DIS3L2: variants seen among roughly 807,000 people sequenced by gnomAD.
The protein encoded by DIS3L2 is DIS3 like 3'-5' exoribonuclease 2.
Under a neutral mutation model 97.5 loss-of-function variants are expected in DIS3L2, and 34 were observed. That is an observed-to-expected ratio of 0.35 (90% CI 0.27 to 0.46). The LOEUF (loss-of-function observed/expected upper bound fraction) is 0.46, where lower values mean the gene tolerates loss of function less well. Among genes scored for constraint, DIS3L2 ranks in the 20% least tolerant of loss-of-function variants. The pLI, the probability that DIS3L2 is intolerant of heterozygous loss-of-function variation, is 1.00. For missense variants in DIS3L2, 1,038 were observed against 1,146.0 expected, an observed-to-expected ratio of 0.91 and a Z score of 1.36; for synonymous variants, 435 against 445.2, an observed-to-expected ratio of 0.98 and a Z score of 0.29.
intron 6 of DIS3L2, among the ~76,000 whole-genome samples, chr2:232,112,746 C>T (rs961511116): frequency 6.6e-6 from 1 of 151,578 alleles, no homozygotes; most frequent in South Asian, 2.1e-4. Flanking sequence ...GGCATGTAGA[C>T]AAGAGGAACA....
At chr2:232,307,843 A>G (rs754641398) in intron 14 of DIS3L2, 4 of 152,248 alleles carry the variant, frequency 2.6e-5, no homozygotes, top group Non-Finnish European at 4.4e-5. Flanking sequence ...AAACAAACCA[A>G]AACTGAAGAG....
In DIS3L2 at chr2:232,269,255, C is replaced by G. The variant is rs1693922859; in HGVS notation, c.1659+5815C>G. On this transcript the variant is annotated intron_variant, in intron 13 of 20. Transcript: ENST00000325385. The surrounding 1 kb of genome is among the most constrained non-coding windows in gnomAD (Gnocchi z 4.5). ...TTTGTTGAATCTGTTTCTGTTCCTT[C>G]TCTCCAATACAGTCGCTTTCAAGAA... is the stretch of plus-strand genomic sequence containing the variant. Among the ~76,000 whole-genome samples the G allele has an allele frequency of 6.6e-6, 1 of 152,202 alleles. No homozygotes were observed. Among genetic ancestry groups the G allele is most frequent in the Non-Finnish European group, 1.5e-5 (1 of 68,034 alleles).
downstream of DIS3L2, chr2:232,340,691 G>A: frequency 2.1e-6 from 1 of 469,074 alleles, no homozygotes; most frequent in Non-Finnish European, 4.4e-6. Context: ...CCAGGGACTG[G>A]CAAAGCTCTC....
intron 1 of DIS3L2, among the ~76,000 whole-genome samples, chr2:232,003,383 A>C (rs983924393): frequency 6.6e-6 from 1 of 152,122 alleles, no homozygotes; most frequent in African/African-American, 2.4e-5. Context: ...AAATACAGGA[A>C]ATTTTTTTTG....
chr2:232,130,225 T>G (rs1453238851), intron 6 of DIS3L2, among the ~76,000 whole-genome samples: 1 of 152,202 alleles, frequency 6.6e-6, no homozygotes, highest in Non-Finnish European at 1.5e-5. Context: ...TTATTATGAT[T>G]TTGTTTTATT....
At position 232,130,640 on chromosome 2, in the gene DIS3L2, C is replaced by A. The variant is rs1022276697; in HGVS notation, c.623C>A (p.Pro208Gln). Residue 208 changes from proline (P) to glutamine (Q), a missense_variant, in exon 7 of 21, where the codon CCG becomes CAG. By Grantham distance (76) the Pro-to-Gln change is moderately conservative. This residue lies in a region of DIS3L2 where 813 missense variants were observed against 880.1 expected (regional missense o/e 0.92). Coordinates refer to ENST00000325385, the MANE Select transcript of DIS3L2 (RefSeq NM_152383.5). ...SEKGREDGDA[P>Q]VTKDETTCIS... ...GTAGGAAGAGAGGATGGTGATGCAC[C>A]GGTTACAAAAGATGAGACCACCTGC... 1 of 1,611,920 alleles carries A rather than the reference C, an allele frequency of 6.2e-7. No individual in the cohort carries two copies.
chr2:232,339,685 C>A (rs759644232), downstream of DIS3L2: 1 of 456,228 alleles, frequency 2.2e-6, no homozygotes, highest in African/African-American at 2.0e-5. Context: ...GGCAGTAGAA[C>A]ACTGAGCATG....
Position 232,285,833 on chromosome 2 carries a change from C to T in DIS3L2, c.1660-14207C>T, listed in dbSNP as rs1694416392. ...GTGATTCCTACTGCTTATCACGGGG[C>T]CCTGCATTGCCTTAACTTAAAGCCT... On this transcript the variant is annotated intron_variant, in intron 13 of 20. Transcript: ENST00000325385. 3.9e-5 allele frequency among the ~76,000 whole-genome samples: 6 copies of T among 152,146 alleles called. No homozygotes were observed. The South Asian group carries it at 1.0e-3, about 26-fold the overall frequency.
intron 12 of DIS3L2, among the ~76,000 whole-genome samples, chr2:232,261,654 T>C (rs1440889309): frequency 6.6e-6 from 1 of 152,210 alleles, no homozygotes; most frequent in Non-Finnish European, 1.5e-5. Context: ...CTTTGCAGTG[T>C]GACTCTGCCC....
chr2:232,052,224 G>T (rs374384675), intron 5 of DIS3L2, among the ~76,000 whole-genome samples: 1 of 151,958 alleles, frequency 6.6e-6, no homozygotes, highest in African/African-American at 2.4e-5. Flanking sequence ...GGGTTTTGCC[G>T]TGTTGGTCAG....
Position 232,336,664 on chromosome 2 carries a change from T to A in DIS3L2, c.*34T>A. Reference sequence around the variant, plus strand: ...AGCCGCCTGCCCCGCCTGCCCCGCCTGCCTGTCCCGCCACACTGGCTTTAG... The same window carrying A: ...AGCCGCCTGCCCCGCCTGCCCCGCCAGCCTGTCCCGCCACACTGGCTTTAG... On this transcript the variant is annotated 3_prime_UTR_variant, in exon 21 of 21. Coordinates refer to ENST00000325385, the MANE Select transcript of DIS3L2 (RefSeq NM_152383.5). The A allele has an allele frequency of 6.4e-7, 1 of 1,550,994 alleles. No individual in the cohort carries two copies. The highest frequency in any genetic ancestry group is 8.7e-7 in the Non-Finnish European group (1 of 1,151,840).
chr2:232,317,115 A>G (rs1695296735), intron 14 of DIS3L2, among the ~76,000 whole-genome samples: 1 of 152,218 alleles, frequency 6.6e-6, no homozygotes, highest in South Asian at 2.1e-4. Context: ...AGTCCTTGCA[A>G]TGGAAGGGAA....
intron 10 of DIS3L2, among the ~76,000 whole-genome samples, chr2:232,211,679 A>T (rs1692194437): frequency 2.0e-5 from 3 of 152,312 alleles, no homozygotes; most frequent in Middle Eastern, 6.8e-3. Context: ...CATTGCAAAG[A>T]TGTTCATATT....
chr2:232,143,254 T>C (rs532807237), intron 8 of DIS3L2, among the ~76,000 whole-genome samples: 2 of 152,288 alleles, frequency 1.3e-5, no homozygotes, highest in East Asian at 1.9e-4. Flanking sequence ...CTTATTTATA[T>C]AGAATGTTTA....
chr2:232,275,321 A>G (rs549147371), intron 13 of DIS3L2, among the ~76,000 whole-genome samples: 1 of 152,304 alleles, frequency 6.6e-6, no homozygotes, highest in African/African-American at 2.4e-5. Context: ...AAGAAGGCAG[A>G]TGTCTTACTG....
intron 9 of DIS3L2, among the ~76,000 whole-genome samples, chr2:232,203,726 G>A (rs1265570555): frequency 1.3e-5 from 2 of 152,208 alleles, no homozygotes; most frequent in African/African-American, 4.8e-5. Context: ...TGCCATCAGA[G>A]AGAGGCAGGT....
intron 1 of DIS3L2, among the ~76,000 whole-genome samples, chr2:231,989,339 T>TTG (rs59088969): frequency 0.12 from 17,164 of 146,658 alleles, 1,466 homozygotes; most frequent in East Asian, 0.39. Context: ...GTCAGTATAA[T>TTG]TGTGTGTGTG....
At chr2:232,229,952 C>T (rs940466357) in intron 10 of DIS3L2, among the ~76,000 whole-genome samples, 7 of 152,164 alleles carry the variant, frequency 4.6e-5, no homozygotes, top group African/African-American at 1.4e-4. Context: ...TCCTATGCTA[C>T]CCCCTCCTCA....
rs537238282 is a variant in DIS3L2, at chr2:232,037,583, G to GA, written c.366+7511dup. ...GGTATACCAGGAGTCACTGGGGTAC[G>GA]AAAAAAAACTCCTGCAGCTAGCTCG... is the stretch of plus-strand genomic sequence containing the variant. On this transcript the variant is annotated intron_variant, in intron 5 of 20. Coordinates refer to ENST00000325385, the MANE Select transcript of DIS3L2 (RefSeq NM_152383.5). The surrounding 1 kb of genome is among the most constrained non-coding windows in gnomAD (Gnocchi z 4.6). Among the ~76,000 whole-genome samples the GA allele has an allele frequency of 6.6e-6, 1 of 151,840 alleles. No individual in the cohort carries two copies. The highest frequency in any genetic ancestry group is 2.1e-4 in the South Asian group (1 of 4,794).
Sources: allele counts gnomAD v4.1 joint callset (sites outside exome capture counted in the v4.1 genomes callset), GRCh38; gene constraint gnomAD v4.1.1; regional missense constraint gnomAD v4.1.1; non-coding constraint Gnocchi (gnomAD v3.1); transcripts MANE v1.5; gene names NCBI Gene and HGNC (gene_info 2026-07-23, HGNC 2026-07-21).